The following LRRC4C variants were observed in gnomAD, a reference collection of about 807,000 sequenced individuals.
The protein encoded by LRRC4C is leucine-rich repeat-containing protein 4C.
Under a neutral mutation model 33.6 loss-of-function variants are expected in LRRC4C, and 5 were observed. The ratio of observed to expected loss-of-function variants is 0.15; its 90% CI spans 0.08 to 0.31. The LOEUF (loss-of-function observed/expected upper bound fraction) is 0.31. Ranked by LOEUF, LRRC4C falls within the 10% of genes least tolerant of loss-of-function variation. The pLI is 1.00. For synonymous variants in LRRC4C, 329 were observed against 302.0 expected (o/e 1.09, Z -0.93); for missense variants, 560 against 796.7 (o/e 0.70, Z 3.58).
intron 1 of LRRC4C, among the ~76,000 whole-genome samples, chr11:41,293,336 A>G (rs986344630): frequency 2.6e-5 from 4 of 152,118 alleles, no homozygotes; most frequent in African/African-American, 4.8e-5. Context: ...GAATGAAAAA[A>G]GGATATTAGT....
intron 1 of LRRC4C, among the ~76,000 whole-genome samples, chr11:41,149,037 G>A (rs1943861724): frequency 6.6e-6 from 1 of 152,172 alleles, no homozygotes; most frequent in African/African-American, 2.4e-5. Context: ...ATTGGACACA[G>A]CAGAACTACT....
In LRRC4C at chr11:40,817,438, T is replaced by C. The variant is rs372315377; in HGVS notation, c.-407+116197A>G. On this transcript the variant is annotated intron_variant, in intron 2 of 6. Coordinates refer to ENST00000528697, the MANE Select transcript of LRRC4C (RefSeq NM_001258419.2). ...GGGATCTGAAGGACCCTGATAGATA[T>C]GATGCGTTGCATCATAACGGTTATT... is the stretch of plus-strand genomic sequence containing the variant. Among the ~76,000 whole-genome samples the C allele has an allele frequency of 3.9e-5, 6 of 152,294 alleles. No homozygotes were observed. The East Asian group carries it at 5.8e-4, about 15-fold the overall frequency.
At chr11:40,903,186 A>G (rs1407096918) in intron 2 of LRRC4C, among the ~76,000 whole-genome samples, 3 of 152,206 alleles carry the variant, frequency 2.0e-5, no homozygotes, top group Non-Finnish European at 4.4e-5. Flanking sequence ...CTCAGAACCA[A>G]TAAGAATGAT....
intron 4 of LRRC4C, among the ~76,000 whole-genome samples, chr11:40,271,018 C>A (rs1283309460): frequency 6.6e-6 from 1 of 152,136 alleles, no homozygotes; most frequent in Non-Finnish European, 1.5e-5. Context: ...GGTGTTGCCA[C>A]AAAAGTTGCA....
chr11:41,030,682 T>C (rs1336919215), intron 1 of LRRC4C, among the ~76,000 whole-genome samples: 1 of 151,872 alleles, frequency 6.6e-6, no homozygotes, highest in Non-Finnish European at 1.5e-5. Flanking sequence ...ACCATCGTGT[T>C]TGATTTCAAG....
At position 40,325,570 on chromosome 11, in the gene LRRC4C, G is replaced by A. The variant is rs550318445; in HGVS notation, c.-269-5849C>T. Reference sequence around the variant, plus strand: ...TAGAGCCCAGAAGATAGAGGCTGCAGTAAGCTTTGATGATGCCACTGTTCT... The same window carrying A: ...TAGAGCCCAGAAGATAGAGGCTGCAATAAGCTTTGATGATGCCACTGTTCT... On this transcript the variant is annotated intron_variant, in intron 3 of 6. Coordinates refer to ENST00000528697, the MANE Select transcript of LRRC4C (RefSeq NM_001258419.2). 3.3e-4 allele frequency among the ~76,000 whole-genome samples: 50 copies of A among 152,030 alleles called. 1 individual carries two copies. In the South Asian group the frequency reaches 1.0e-2, roughly 30 times the overall value.
intron 2 of LRRC4C, among the ~76,000 whole-genome samples, chr11:40,892,319 A>G (rs1955752624): frequency 6.6e-6 from 1 of 152,102 alleles, no homozygotes; most frequent in Admixed American, 6.5e-5. Flanking sequence ...TTTGGAAGCA[A>G]CCTAAATGTC....
chr11:40,722,324 A>C (rs999392487), intron 2 of LRRC4C, among the ~76,000 whole-genome samples: 1 of 152,166 alleles, frequency 6.6e-6, no homozygotes, highest in Non-Finnish European at 1.5e-5. Context: ...CTGCACATGC[A>C]CTGAATATTA....
At chr11:40,483,771 GTGTATATATA>G (rs59423655) in intron 3 of LRRC4C, among the ~76,000 whole-genome samples, 144,491 of 148,440 alleles carry the variant, frequency 0.97, 70,272 homozygotes, top group East Asian at 1. Context: ...GGCAAGAAAT[GTGTATATATA>G]TGTATATATA....
chr11:40,708,768 A>G (rs1946309329), intron 2 of LRRC4C, among the ~76,000 whole-genome samples: 1 of 151,954 alleles, frequency 6.6e-6, no homozygotes, highest in Non-Finnish European at 1.5e-5. Flanking sequence ...ATCCTTTTCA[A>G]CCTTCTGTCT....
intron 3 of LRRC4C, among the ~76,000 whole-genome samples, chr11:40,574,629 T>A (rs1958112299): frequency 6.6e-6 from 1 of 152,174 alleles, no homozygotes; most frequent in African/African-American, 2.4e-5. Context: ...TTGACAAATG[T>A]CCCTTTATAT....
chr11:40,240,285 C>T (rs1316068699), intron 5 of LRRC4C, among the ~76,000 whole-genome samples: 1 of 152,068 alleles, frequency 6.6e-6, no homozygotes, highest in African/African-American at 2.4e-5. Flanking sequence ...TCATTAGATC[C>T]TTATGGTATT....
At chr11:40,184,527 C>G in intron 5 of LRRC4C, among the ~76,000 whole-genome samples, 1 of 152,046 alleles carries the variant, frequency 6.6e-6, no homozygotes, top group African/African-American at 2.4e-5. Flanking sequence ...AAATATGGAG[C>G]CAGGAGACTT....
chr11:40,586,984 T>A (rs1958785748), intron 3 of LRRC4C, among the ~76,000 whole-genome samples: 1 of 152,056 alleles, frequency 6.6e-6, no homozygotes, highest in South Asian at 2.1e-4. Flanking sequence ...ATATGAACTT[T>A]AAAGTAGTTT....
At chr11:40,139,021 T>C (rs1857174152) in intron 6 of LRRC4C, among the ~76,000 whole-genome samples, 1 of 152,216 alleles carries the variant, frequency 6.6e-6, no homozygotes, top group Non-Finnish European at 1.5e-5. Flanking sequence ...CAATTACACT[T>C]AAGTATTAGA....
At chr11:40,412,884 C>G (rs1950202438) in intron 3 of LRRC4C, among the ~76,000 whole-genome samples, 1 of 151,956 alleles carries the variant, frequency 6.6e-6, no homozygotes, top group South Asian at 2.1e-4. Context: ...ATAAGAATAC[C>G]AATTAAAATA....
chr11:40,945,764 G>T (rs988391766), intron 1 of LRRC4C, among the ~76,000 whole-genome samples: 3 of 152,148 alleles, frequency 2.0e-5, no homozygotes, highest in Non-Finnish European at 2.9e-5. Context: ...CTGGCAGGAA[G>T]CTGTCCTTAC....
intron 1 of LRRC4C, among the ~76,000 whole-genome samples, chr11:41,412,198 C>A (rs1207626713): frequency 1.3e-5 from 2 of 152,180 alleles, no homozygotes; most frequent in African/African-American, 4.8e-5. Flanking sequence ...ACTATGACCC[C>A]CGTCACTCAC....
At chr11:40,724,432 T>C (rs1198219064) in intron 2 of LRRC4C, among the ~76,000 whole-genome samples, 1 of 151,906 alleles carries the variant, frequency 6.6e-6, no homozygotes, top group African/African-American at 2.4e-5. Context: ...GAAACAAAAA[T>C]AGAAATAAAT....
Sources: gnomAD v4.1 joint callset for allele counts (sites outside exome capture counted in the v4.1 genomes callset) on GRCh38, gnomAD v4.1.1 for gene constraint, MANE v1.5 for transcripts, NCBI Gene and HGNC (gene_info 2026-07-23, HGNC 2026-07-21) for gene names.